Variants in CD48 observed in about 807,000 individuals in gnomAD.
The protein encoded by CD48 is CD48 antigen.
Under a neutral mutation model 22.0 loss-of-function variants are expected in CD48, and 20 were observed. That is an observed-to-expected ratio of 0.91 (90% CI 0.64 to 1.32). CD48 has a LOEUF of 1.32. CD48 is among the 40% of genes most tolerant of loss of function. The pLI is 0.00. For synonymous variants in CD48, 110 were observed against 110.1 expected (o/e 1.00, Z 0.01); for missense variants, 307 against 286.5 (o/e 1.07, Z -0.52).
chr1:160,683,014 C>A lies in CD48; in HGVS notation c.386-1546G>T, dbSNP rs770454341. Among the ~76,000 whole-genome samples, 4 of 152,208 alleles carry A rather than the reference C, an allele frequency of 2.6e-5. No individual in the cohort carries two copies. The South Asian group carries it at 8.3e-4, about 32-fold the overall frequency. ...GAGAGGCTCTAGAAGCTCTACCAAT[C>A]TGGTCTCTAGAACTCTAGTTTTGTC... On this transcript the variant is annotated intron_variant, in intron 2 of 3. Transcript: ENST00000368046.
chr1:160,696,191 A>G (rs562368006), intron 1 of CD48, among the ~76,000 whole-genome samples: 83 of 152,326 alleles, frequency 5.4e-4, no homozygotes, highest in African/African-American at 1.9e-3. Context: ...ACTCCATATC[A>G]ATCGGCTCAA....
At chr1:160,701,543 T>C (rs1662630606) in intron 1 of CD48, among the ~76,000 whole-genome samples, 2 of 152,090 alleles carry the variant, frequency 1.3e-5, no homozygotes, top group Non-Finnish European at 2.9e-5. Context: ...TTTTCTTTTA[T>C]AGTGACTGGG....
At chr1:160,693,014 C>T (rs1300030090) in intron 1 of CD48, among the ~76,000 whole-genome samples, 1 of 152,240 alleles carries the variant, frequency 6.6e-6, no homozygotes, top group Non-Finnish European at 1.5e-5. Context: ...GGCACAAGAA[C>T]AGGTCCGAAG....
rs1661946867 is a variant in CD48 at position 160,685,051 on chromosome 1, G to A, written c.221C>T (p.Ser74Phe). 2 of 1,614,064 alleles carry A rather than the reference G, an allele frequency of 1.2e-6. No homozygotes were observed. The highest frequency in any genetic ancestry group is 1.3e-5 in the African/African-American group (1 of 74,926). ...QKIVEWDSRKSKYFESKFKGR... is the reference protein window; with the variant it reads ...QKIVEWDSRKFKYFESKFKGR... ...TTTAAATTTGGATTCAAAGTACTTAGATTTTCTGGAATCCCATTCTACAAT... is the reference window on the plus strand; with the variant it reads ...TTTAAATTTGGATTCAAAGTACTTAAATTTTCTGGAATCCCATTCTACAAT... Residue 74 changes from serine to phenylalanine, a missense_variant, in exon 2 of 4, where the codon TCT becomes TTT. Ser to Phe is a radical substitution (Grantham distance 155). Transcript: ENST00000368046.
At chr1:160,688,814 T>C (rs1163094744) in intron 1 of CD48, among the ~76,000 whole-genome samples, 1 of 152,184 alleles carries the variant, frequency 6.6e-6, no homozygotes, top group Non-Finnish European at 1.5e-5. Flanking sequence ...AGAATGATGA[T>C]TCTCGTTCTC....
intron 2 of CD48, among the ~76,000 whole-genome samples, chr1:160,681,854 G>A (rs1454623112): frequency 2.6e-5 from 4 of 152,154 alleles, no homozygotes; most frequent in Non-Finnish European, 5.9e-5. Context: ...TTCATGGCGG[G>A]CACCTTGGCT....
intron 1 of CD48, chr1:160,692,217 C>T (rs975534191): frequency 6.6e-6 from 1 of 152,046 alleles, no homozygotes; most frequent in East Asian, 1.9e-4. Flanking sequence ...CCCCTGGAAG[C>T]TGTATAATAG....
intron 1 of CD48, among the ~76,000 whole-genome samples, chr1:160,686,043 C>T (rs1232253550): frequency 3.9e-5 from 6 of 152,160 alleles, no homozygotes; most frequent in African/African-American, 1.4e-4. Context: ...GGGTCAGGCC[C>T]TCTCTAGAAT....
chr1:160,683,239 G>A (rs1339609144), intron 2 of CD48, among the ~76,000 whole-genome samples: 1 of 152,186 alleles, frequency 6.6e-6, no homozygotes. Flanking sequence ...CTTTGCTGAT[G>A]GAATTAATTG....
intron 1 of CD48, among the ~76,000 whole-genome samples, chr1:160,694,097 C>G (rs1002061104): frequency 6.6e-6 from 1 of 152,246 alleles, no homozygotes; most frequent in East Asian, 1.9e-4. Context: ...AGTTCAAATT[C>G]ATACTGGTGT....
At chr1:160,694,731 G>C (rs938106985) in intron 1 of CD48, among the ~76,000 whole-genome samples, 3 of 152,054 alleles carry the variant, frequency 2.0e-5, no homozygotes, top group Non-Finnish European at 4.4e-5. Flanking sequence ...ATAAATCACG[G>C]AAGAGAAGGA....
chr1:160,707,667 A>G (rs527743423), intron 1 of CD48, among the ~76,000 whole-genome samples: 1 of 152,276 alleles, frequency 6.6e-6, no homozygotes, highest in East Asian at 1.9e-4. Flanking sequence ...GACTGAGGTA[A>G]GGGGCCTTGA....
At chr1:160,693,601 TACA>T (rs1393054431) in intron 1 of CD48, among the ~76,000 whole-genome samples, 2 of 152,304 alleles carry the variant, frequency 1.3e-5, no homozygotes, top group Non-Finnish European at 2.9e-5. Context: ...TTCAAGCTAC[TACA>T]ACAACAGGTA....
intron 1 of CD48, among the ~76,000 whole-genome samples, chr1:160,696,713 T>C (rs1029071153): frequency 2.7e-4 from 15 of 54,584 alleles, no homozygotes; most frequent in African/African-American, 5.8e-4. Context: ...GATTATCATA[T>C]GTCATGTAAC....
chr1:160,708,069 C>A (rs3914855), intron 1 of CD48, among the ~76,000 whole-genome samples: 61,247 of 151,966 alleles, frequency 0.4, 12,621 homozygotes, highest in Middle Eastern at 0.45. Flanking sequence ...AAGGGAGCAC[C>A]TCACTTGAAT....
Position 160,684,870 on chromosome 1 carries a change from T to C in CD48, c.385+17A>G, listed in dbSNP as rs1661934434. ...GCCACTGGAGTGGGGATTTGCTCTT[T>C]GGCTCCCCTGACTCACCAAGCACTT... On this transcript the variant is annotated intron_variant, in intron 2 of 3. Transcript: ENST00000368046. 6.2e-7 allele frequency: 1 copy of C among 1,614,112 alleles called. No homozygotes were observed.
At chr1:160,703,230 T>C (rs1295803789) in intron 1 of CD48, among the ~76,000 whole-genome samples, 1 of 152,172 alleles carries the variant, frequency 6.6e-6, no homozygotes, top group Non-Finnish European at 1.5e-5. Context: ...AATGCTGAGA[T>C]GGGGTTAGAA....
intron 3 of CD48, 87 bp from the exon 4 acceptor site, chr1:160,679,218 T>G (rs1006461048): frequency 9.8e-7 from 1 of 1,021,090 alleles, no homozygotes; most frequent in African/African-American, 1.6e-5. Flanking sequence ...GACACTGGTG[T>G]GGGAGCTCAC....
intron 1 of CD48, among the ~76,000 whole-genome samples, chr1:160,687,137 G>T (rs1277408322): frequency 6.6e-6 from 1 of 152,126 alleles, no homozygotes; most frequent in Non-Finnish European, 1.5e-5. Context: ...TCCATGCTGA[G>T]AAAAAGAACT....
Sources: gnomAD v4.1 joint callset for allele counts (sites outside exome capture counted in the v4.1 genomes callset) on GRCh38, gnomAD v4.1.1 for gene constraint, MANE v1.5 for transcripts, NCBI Gene and HGNC (gene_info 2026-07-23, HGNC 2026-07-21) for gene names.